The following MCTP1 variants were observed in gnomAD, a reference collection of about 807,000 sequenced individuals.
MCTP1 encodes multiple C2 and transmembrane domain-containing protein 1.
Under a neutral mutation model 120.6 loss-of-function variants are expected in MCTP1, and 69 were observed. That is an observed-to-expected ratio of 0.57 (90% CI 0.47 to 0.70). MCTP1 has a LOEUF of 0.70. Ranked by LOEUF, MCTP1 falls within the 30% of genes least tolerant of loss-of-function variation. The probability of loss-of-function intolerance (pLI) is 0.00; values close to 1 mark genes in which losing one functional copy is unlikely to be tolerated. For missense variants in MCTP1, 1,203 were observed against 1,248.8 expected, an observed-to-expected ratio of 0.96 and a Z score of 0.55; for synonymous variants, 529 against 493.1, an observed-to-expected ratio of 1.07 and a Z score of -0.96.
chr5:94,929,718 G>A (rs74558069), intron 6 of MCTP1: 25,555 of 977,436 alleles, frequency 0.026, 408 homozygotes, highest in Non-Finnish European at 0.029. Flanking sequence ...AGGTGGACTA[G>A]CTAGTAATTG....
chr5:95,084,812 C>T, intron 1 of MCTP1, among the ~76,000 whole-genome samples: 1 of 152,108 alleles, frequency 6.6e-6, no homozygotes, highest in Non-Finnish European at 1.5e-5. Context: ...TCTTCAAAAT[C>T]TTCACATTAT....
At chr5:95,005,968 AT>A (rs547916717) in intron 2 of MCTP1, among the ~76,000 whole-genome samples, 101 of 152,224 alleles carry the variant, frequency 6.6e-4, no homozygotes, top group African/African-American at 2.0e-3. Flanking sequence ...ACACTATCTC[AT>A]TGCAGGTTGT....
intron 1 of MCTP1, among the ~76,000 whole-genome samples, chr5:95,283,649 A>G (rs1203792827): frequency 6.6e-6 from 1 of 152,220 alleles, no homozygotes; most frequent in Non-Finnish European, 1.5e-5. Flanking sequence ...TTTCTACCAA[A>G]AGTAAAGTCC....
intron 17 of MCTP1, among the ~76,000 whole-genome samples, chr5:94,832,232 T>G (rs528928828): frequency 4.4e-5 from 5 of 113,636 alleles, no homozygotes; most frequent in African/African-American, 2.4e-4. Context: ...ATGCATTCCC[T>G]CCTTGCATAA....
Position 95,162,105 on chromosome 5 carries a change from T to C in MCTP1, c.720+121751A>G, listed in dbSNP as rs115811526. Among the ~76,000 whole-genome samples, 789 of 152,280 alleles carry C rather than the reference T, an allele frequency of 5.2e-3. 10 individuals are homozygous for C. The highest frequency in any genetic ancestry group is 0.018 in the African/African-American group (752 of 41,564). ...TTTGCCACTGCTGGTATAAAAACGA[T>C]ACCAGGAAGAACTTGTGCACTGAGA... On this transcript the variant is annotated intron_variant, in intron 1 of 22. Coordinates refer to ENST00000515393, the MANE Select transcript of MCTP1 (RefSeq NM_024717.7).
At chr5:94,848,375 C>G (rs1372039346) in intron 17 of MCTP1, among the ~76,000 whole-genome samples, 14 of 152,102 alleles carry the variant, frequency 9.2e-5, no homozygotes, top group Non-Finnish European at 2.1e-4. Context: ...TTTCCCCTTA[C>G]CCTACAGCCT....
At chr5:95,038,153 T>C in intron 1 of MCTP1, 1 of 982,722 alleles carries the variant, frequency 1.0e-6, no homozygotes. Flanking sequence ...ATACACTCAG[T>C]TGTGCGAATA....
At chr5:94,763,468 A>C (rs1771824082) in intron 19 of MCTP1, among the ~76,000 whole-genome samples, 1 of 152,166 alleles carries the variant, frequency 6.6e-6, no homozygotes, top group South Asian at 2.1e-4. Context: ...ATCCTTCAAC[A>C]CCCAAATTAA....
At chr5:94,927,992 C>T (rs979126304) in intron 6 of MCTP1, among the ~76,000 whole-genome samples, 7 of 151,844 alleles carry the variant, frequency 4.6e-5, no homozygotes, top group African/African-American at 1.7e-4. Flanking sequence ...GATAATCAGA[C>T]ACCATCACAG....
chr5:94,881,007 T>G (rs1405262676), intron 12 of MCTP1, among the ~76,000 whole-genome samples: 1 of 152,098 alleles, frequency 6.6e-6, no homozygotes, highest in Non-Finnish European at 1.5e-5. Context: ...GAGCATCCAT[T>G]CCAACTATTT....
chr5:94,988,091 G>C (rs1046453423), intron 2 of MCTP1, among the ~76,000 whole-genome samples: 5 of 152,150 alleles, frequency 3.3e-5, no homozygotes, highest in Admixed American at 2.6e-4. Flanking sequence ...TTTCAGCAAT[G>C]ATGTCTTCCA....
intron 2 of MCTP1, among the ~76,000 whole-genome samples, chr5:94,957,590 A>C (rs2153547637): frequency 6.6e-6 from 1 of 152,304 alleles, no homozygotes; most frequent in East Asian, 1.9e-4. Flanking sequence ...ATGGAAAGAA[A>C]AAAAAGAAAA....
chr5:95,099,938 C>A (rs1582248573), intron 1 of MCTP1, among the ~76,000 whole-genome samples: 2 of 151,894 alleles, frequency 1.3e-5, no homozygotes, highest in African/African-American at 4.8e-5. Context: ...GAATACCATG[C>A]AGTCATAAAA....
chr5:95,062,264 G>A lies in MCTP1; in HGVS notation c.721-44780C>T, dbSNP rs80151678. Among the ~76,000 whole-genome samples, 441 of 152,278 alleles carry A rather than the reference G, an allele frequency of 2.9e-3. 3 individuals carry two copies. The highest frequency in any genetic ancestry group is 9.6e-3 in the African/African-American group (398 of 41,562). ...TCAGGCAAGATTTAAGAGAATCTAT[G>A]TGCATTCTTTATATTTTCTATTGAA... On this transcript the variant is annotated intron_variant, in intron 1 of 22. Coordinates refer to ENST00000515393, the MANE Select transcript of MCTP1 (RefSeq NM_024717.7).
intron 1 of MCTP1, among the ~76,000 whole-genome samples, chr5:95,055,639 G>T (rs925849663): frequency 6.6e-6 from 1 of 152,154 alleles, no homozygotes; most frequent in East Asian, 1.9e-4. Context: ...TTAAGCTTTT[G>T]CATGCTCCTA....
intron 2 of MCTP1, among the ~76,000 whole-genome samples, chr5:94,982,046 T>G (rs1829521867): frequency 6.6e-6 from 1 of 152,154 alleles, no homozygotes; most frequent in South Asian, 2.1e-4. Flanking sequence ...AAAGGGCCAA[T>G]CATAAAAGGG....
At chr5:95,150,073 T>C (rs1375714139) in intron 1 of MCTP1, among the ~76,000 whole-genome samples, 1 of 152,164 alleles carries the variant, frequency 6.6e-6, no homozygotes, top group African/African-American at 2.4e-5. Flanking sequence ...TTTGTTTCCT[T>C]TCTGTGAGGG....
intron 17 of MCTP1, among the ~76,000 whole-genome samples, chr5:94,809,295 T>G (rs1168705582): frequency 6.6e-6 from 1 of 152,152 alleles, no homozygotes; most frequent in Admixed American, 6.5e-5. Flanking sequence ...TTGTGTCATT[T>G]TTATCAAAGT....
At chr5:95,065,859 C>T (rs1750526808) in intron 1 of MCTP1, among the ~76,000 whole-genome samples, 1 of 152,138 alleles carries the variant, frequency 6.6e-6, no homozygotes, top group Admixed American at 6.5e-5. Context: ...CAAAAATCAA[C>T]TGAAAATGGA....
Sources: allele counts gnomAD v4.1 joint callset (sites outside exome capture counted in the v4.1 genomes callset), GRCh38; gene constraint gnomAD v4.1.1; transcripts MANE v1.5; gene names NCBI Gene and HGNC (gene_info 2026-07-23, HGNC 2026-07-21).